C8orf34: variants seen among roughly 807,000 people sequenced by gnomAD.
C8orf34 encodes the protein chromosome 8 open reading frame 34.
Under a neutral mutation model 68.3 loss-of-function variants are expected in C8orf34, and 65 were observed. That is an observed-to-expected ratio of 0.95 (90% CI 0.78 to 1.17). The LOEUF is 1.17. C8orf34 is among the 50% of genes most tolerant of loss of function. The pLI, the probability that C8orf34 is intolerant of heterozygous loss-of-function variation, is 0.00. For synonymous variants in C8orf34, 244 were observed against 241.2 expected, an observed-to-expected ratio of 1.01 and a Z score of -0.11; for missense variants, 664 against 655.4, an observed-to-expected ratio of 1.01 and a Z score of -0.14.
intron 8 of C8orf34, among the ~76,000 whole-genome samples, chr8:68,665,994 C>T (rs1819828531): frequency 6.6e-6 from 1 of 152,104 alleles, no homozygotes; most frequent in Non-Finnish European, 1.5e-5. Flanking sequence ...GTGTATGAGG[C>T]ACATTAGGAA....
Position 68,330,969 on chromosome 8 carries a change from TGCGGAGAGCGGCGAGGGTGGGCGCGAG to T in C8orf34, c.-36_-10del. 1 of 1,326,928 alleles carries T rather than the reference TGCGGAGAGCGGCGAGGGTGGGCGCGAG, an allele frequency of 7.5e-7. No individual in the cohort carries two copies. The allele number at this position is 1,326,928 out of a possible 1,614,324, so 82.2% of individuals were successfully genotyped here. A position where few individuals can be genotyped will look rare whatever the true frequency, so the allele number is the denominator to read the frequency against. On this transcript the variant is annotated 5_prime_UTR_variant, in exon 1 of 14. Coordinates refer to ENST00000518698, the MANE Select transcript of C8orf34 (RefSeq NM_052958.4). ...CGAATTTCCCCACTGCGCCGGGCGC[TGCGGAGAGCGGCGAGGGTGGGCGCGAG>T]GCGGAGAACGCGATGAATGAGTTCT...
chr8:68,755,635 C>G (rs1822832652), intron 10 of C8orf34, among the ~76,000 whole-genome samples: 1 of 152,174 alleles, frequency 6.6e-6, no homozygotes, highest in African/African-American at 2.4e-5. Flanking sequence ...ACTCTTAATT[C>G]TAATACCTTG....
chr8:68,617,670 G>T lies in C8orf34; in HGVS notation c.1106-22706G>T, dbSNP rs574933291. Among the ~76,000 whole-genome samples, 10 of 152,290 alleles carry T rather than the reference G, an allele frequency of 6.6e-5. No individual in the cohort carries two copies. In the East Asian group the frequency reaches 1.7e-3, roughly 27 times the overall value. On this transcript the variant is annotated intron_variant, in intron 7 of 13. Transcript: ENST00000518698. The stretch of plus-strand genomic sequence containing the variant: ...GAGAGATCCGCTGTTAGTCTGATGG[G>T]CTTCCCTTTGTGGGTAACCCGACCT...
intron 7 of C8orf34, among the ~76,000 whole-genome samples, chr8:68,552,158 A>C (rs1816095624): frequency 6.6e-6 from 1 of 152,156 alleles, no homozygotes; most frequent in Non-Finnish European, 1.5e-5. Flanking sequence ...GAAATGAGTA[A>C]GTCCTCCAAC....
At chr8:68,344,529 A>G (rs574431665) in intron 1 of C8orf34, among the ~76,000 whole-genome samples, 23 of 152,202 alleles carry the variant, frequency 1.5e-4, no homozygotes, top group South Asian at 2.1e-4. Context: ...GTTTTGCAAA[A>G]TATTACCAAT....
rs528911428 is a variant in C8orf34, at chr8:68,400,466, G to A, written c.328-39033G>A. 2.6e-5 allele frequency among the ~76,000 whole-genome samples: 4 copies of A among 152,234 alleles called. No homozygotes were observed. In the East Asian group the frequency reaches 7.7e-4, roughly 29 times the overall value. On this transcript the variant is annotated intron_variant, in intron 1 of 13. Coordinates refer to ENST00000518698, the MANE Select transcript of C8orf34 (RefSeq NM_052958.4). ...AAAGGATATCCTTTCCCTAGTGTAT[G>A]TTCTTCTCAGCTTTGTCAAAAATTA... is the stretch of plus-strand genomic sequence containing the variant.
At chr8:68,750,327 A>G (rs2129527599) in intron 10 of C8orf34, among the ~76,000 whole-genome samples, 1 of 152,316 alleles carries the variant, frequency 6.6e-6, no homozygotes, top group Admixed American at 6.5e-5. Context: ...TGAAAACATT[A>G]CACTAAGTAA....
At chr8:68,565,130 T>TC (rs1368344244) in intron 7 of C8orf34, among the ~76,000 whole-genome samples, 1 of 152,198 alleles carries the variant, frequency 6.6e-6, no homozygotes, top group East Asian at 1.9e-4. Context: ...GACACCTTTT[T>TC]CTCTGCTTTA....
At position 68,424,309 on chromosome 8, in the gene C8orf34, A is replaced by G. The variant is rs1008691517; in HGVS notation, c.328-15190A>G. On this transcript the variant is annotated intron_variant, in intron 1 of 13. Coordinates refer to ENST00000518698, the MANE Select transcript of C8orf34 (RefSeq NM_052958.4). ...AGCCCACAAAAGTAGGCCAGAACCT[A>G]CATGCTCAACCTAAACGGGGCAACT... Among the ~76,000 whole-genome samples the G allele has an allele frequency of 2.0e-5, 3 of 152,324 alleles. No individual in the cohort carries two copies. In the East Asian group the frequency reaches 5.8e-4, roughly 29 times the overall value.
chr8:68,710,009 AC>A (rs1821286537), intron 9 of C8orf34, among the ~76,000 whole-genome samples: 2 of 152,202 alleles, frequency 1.3e-5, no homozygotes, highest in African/African-American at 4.8e-5. Context: ...CAGGAAAAAA[AC>A]ATCTCCAGCC....
intron 3 of C8orf34, among the ~76,000 whole-genome samples, chr8:68,465,123 A>G (rs907542718): frequency 6.6e-6 from 1 of 152,188 alleles, no homozygotes; most frequent in Non-Finnish European, 1.5e-5. Context: ...AAACAACTCC[A>G]TCAAAAAGTG....
At chr8:68,618,450 A>G (rs1228565690) in intron 7 of C8orf34, among the ~76,000 whole-genome samples, 2 of 152,130 alleles carry the variant, frequency 1.3e-5, no homozygotes, top group African/African-American at 4.8e-5. Flanking sequence ...CCCAGGCTCA[A>G]CAGATCCTCC....
At chr8:68,803,044 G>A (rs565462829) in intron 12 of C8orf34, among the ~76,000 whole-genome samples, 5 of 151,848 alleles carry the variant, frequency 3.3e-5, no homozygotes, top group African/African-American at 1.2e-4. Flanking sequence ...AATATATTCA[G>A]GCCCATATGG....
At chr8:68,618,170 C>A (rs1165033500) in intron 7 of C8orf34, among the ~76,000 whole-genome samples, 1 of 152,014 alleles carries the variant, frequency 6.6e-6, no homozygotes, top group African/African-American at 2.4e-5. Context: ...TGGTCTCTCT[C>A]TTTTTTCTTA....
intron 7 of C8orf34, among the ~76,000 whole-genome samples, chr8:68,620,419 G>A (rs1395889061): frequency 6.6e-6 from 1 of 152,144 alleles, no homozygotes; most frequent in African/African-American, 2.4e-5. Context: ...TCCTGGCCAT[G>A]CTGAGGACAG....
At chr8:68,461,395 A>G (rs1476863231) in intron 3 of C8orf34, among the ~76,000 whole-genome samples, 1 of 152,218 alleles carries the variant, frequency 6.6e-6, no homozygotes, top group Non-Finnish European at 1.5e-5. Context: ...GAACTTCCCC[A>G]ATCTAGCAAG....
chr8:68,748,439 G>A (rs71268804), intron 10 of C8orf34, among the ~76,000 whole-genome samples: 7 of 149,198 alleles, frequency 4.7e-5, no homozygotes, highest in African/African-American at 1.7e-4. Context: ...TACCATCAGA[G>A]TGAACAGGCA....
At chr8:68,473,868 C>A (rs1197687940) in intron 4 of C8orf34, among the ~76,000 whole-genome samples, 2 of 152,126 alleles carry the variant, frequency 1.3e-5, no homozygotes, top group Non-Finnish European at 2.9e-5. Flanking sequence ...TACAAAATTT[C>A]TCTGGTAGTT....
intron 1 of C8orf34, among the ~76,000 whole-genome samples, chr8:68,418,428 G>A (rs1372915149): frequency 6.6e-6 from 1 of 152,020 alleles, no homozygotes; most frequent in Admixed American, 6.6e-5. Context: ...ATTGGCTGTG[G>A]GTTTGTCATA....
Sources: gnomAD v4.1 joint callset for allele counts (sites outside exome capture counted in the v4.1 genomes callset) on GRCh38, gnomAD v4.1.1 for gene constraint, MANE v1.5 for transcripts, NCBI Gene and HGNC (gene_info 2026-07-23, HGNC 2026-07-21) for gene names.